SLIT3: variants seen among roughly 807,000 people sequenced by gnomAD.
The protein encoded by SLIT3 is slit guidance ligand 3, also known as slit homolog 3 protein.
SLIT3 carries 68 observed loss-of-function variants against 184.0 expected under a neutral mutation model. The ratio of observed to expected loss-of-function variants is 0.37; its 90% CI spans 0.30 to 0.45. SLIT3 has a LOEUF of 0.45. Among genes scored for constraint, SLIT3 ranks in the 20% least tolerant of loss-of-function variants. SLIT3 has a pLI of 1.00. For synonymous variants in SLIT3, 831 were observed against 828.6 expected (o/e 1.00, Z -0.05); for missense variants, 1,707 against 2,026.0 (o/e 0.84, Z 3.02).
intron 13 of SLIT3, among the ~76,000 whole-genome samples, chr5:168,773,264 T>C (rs925385967): frequency 6.6e-6 from 1 of 152,142 alleles, no homozygotes; most frequent in Non-Finnish European, 1.5e-5. Flanking sequence ...ACAAACCCAG[T>C]CATGGTTTGC....
chr5:168,746,450 CAGTGTGT>C (rs1763820991), intron 20 of SLIT3, among the ~76,000 whole-genome samples: 1 of 41,546 alleles, frequency 2.4e-5, no homozygotes, highest in Non-Finnish European at 4.4e-5. Context: ...GTGGGTGTGG[CAGTGTGT>C]GGTGGTGTGC....
At chr5:168,786,636 C>A (rs956489995) in intron 11 of SLIT3, among the ~76,000 whole-genome samples, 1 of 152,256 alleles carries the variant, frequency 6.6e-6, no homozygotes, top group Middle Eastern at 3.4e-3. Flanking sequence ...CTTTCTCTTA[C>A]GGGCCTCCAG....
At chr5:168,768,369 G>T in intron 14 of SLIT3, 1 of 454,722 alleles carries the variant, frequency 2.2e-6, no homozygotes. Flanking sequence ...TATCAGGAGT[G>T]GGGTTCCACT....
chr5:168,901,353 G>A (rs530154913), intron 4 of SLIT3, among the ~76,000 whole-genome samples: 1 of 113,966 alleles, frequency 8.8e-6, no homozygotes, highest in South Asian at 3.5e-4. Flanking sequence ...GACAGAGTGA[G>A]ACTCCGTCTC....
chr5:168,731,141 A>G (rs1639373700), intron 20 of SLIT3, among the ~76,000 whole-genome samples: 2 of 152,092 alleles, frequency 1.3e-5, no homozygotes, highest in Admixed American at 1.3e-4. Context: ...AGATCATCAG[A>G]CTATTATGAA....
chr5:168,982,813 G>T (rs1754996104), intron 4 of SLIT3, among the ~76,000 whole-genome samples: 1 of 152,054 alleles, frequency 6.6e-6, no homozygotes, highest in African/African-American at 2.4e-5. Context: ...GGATCATCAG[G>T]GCCTTGTAAG....
chr5:168,849,967 T>A (rs371230388), intron 5 of SLIT3, among the ~76,000 whole-genome samples: 1 of 151,996 alleles, frequency 6.6e-6, no homozygotes, highest in East Asian at 1.9e-4. Context: ...TAGAAGCGCT[T>A]TTGAAGGTTG....
chr5:169,010,508 T>A (rs1434313493), intron 4 of SLIT3, among the ~76,000 whole-genome samples: 1 of 152,044 alleles, frequency 6.6e-6, no homozygotes, highest in Non-Finnish European at 1.5e-5. Flanking sequence ...CCTAGATAGA[T>A]CATGAAACAG....
At chr5:169,100,416 C>T (rs899817298) in intron 4 of SLIT3, among the ~76,000 whole-genome samples, 2 of 152,010 alleles carry the variant, frequency 1.3e-5, no homozygotes, top group African/African-American at 4.8e-5. Flanking sequence ...AAAATGATAC[C>T]CACTTCCCAG....
chr5:168,712,375 C>T lies in SLIT3; in HGVS notation c.2484-21G>A, dbSNP rs577539228. ...GGGTTCTGAAGCAGAGGGCACAGGT[C>T]GGAAGGTTAGCATCCACTAATTTGA... On this transcript the variant is annotated intron_variant, in intron 23 of 35. Coordinates refer to ENST00000519560, the MANE Select transcript of SLIT3 (RefSeq NM_003062.4). 49 of 1,611,988 alleles carry T rather than the reference C, an allele frequency of 3.0e-5. No homozygotes were observed. In the African/African-American group the frequency reaches 3.3e-4, roughly 11 times the overall value.
At chr5:168,816,550 T>C (rs1160306641) in intron 8 of SLIT3, among the ~76,000 whole-genome samples, 2 of 152,106 alleles carry the variant, frequency 1.3e-5, no homozygotes, top group Non-Finnish European at 2.9e-5. Flanking sequence ...CCACCTCCCA[T>C]CCCCAGAGAT....
At chr5:168,854,164 C>T (rs1487768647) in intron 5 of SLIT3, among the ~76,000 whole-genome samples, 2 of 152,142 alleles carry the variant, frequency 1.3e-5, no homozygotes, top group Non-Finnish European at 2.9e-5. Context: ...CAGGCTATTC[C>T]ACCTTTCTCT....
chr5:169,168,007 T>C (rs1762696103), intron 4 of SLIT3, among the ~76,000 whole-genome samples: 1 of 152,226 alleles, frequency 6.6e-6, no homozygotes, highest in Non-Finnish European at 1.5e-5. Context: ...GCCTGTCCAC[T>C]CTGGGGATCT....
intron 4 of SLIT3, among the ~76,000 whole-genome samples, chr5:169,054,752 A>G (rs904743716): frequency 6.6e-6 from 1 of 152,024 alleles, no homozygotes; most frequent in Non-Finnish European, 1.5e-5. Flanking sequence ...GGCTCTGAAT[A>G]TTTGCTTTTC....
chr5:169,264,466 C>T (rs1766322516), intron 1 of SLIT3, among the ~76,000 whole-genome samples: 2 of 152,200 alleles, frequency 1.3e-5, no homozygotes, highest in Admixed American at 6.5e-5. Flanking sequence ...GCGTGAGCCA[C>T]CGTGCCTGGC....
chr5:168,769,893 C>T (rs1019079384), intron 14 of SLIT3, among the ~76,000 whole-genome samples: 1 of 152,134 alleles, frequency 6.6e-6, no homozygotes, highest in Admixed American at 6.5e-5. Flanking sequence ...GCTGTGTGGA[C>T]CTCAATTTAT....
At position 168,762,666 on chromosome 5, in the gene SLIT3, A is replaced by T; in HGVS notation, c.1483T>A (p.Phe495Ile). 2 of 1,613,820 alleles carry T rather than the reference A, an allele frequency of 1.2e-6. No homozygotes were observed. The highest frequency in any genetic ancestry group is 1.7e-6 in the Non-Finnish European group (2 of 1,179,886). The change falls in exon 15 of 36, where the codon TTC becomes ATC. Residue 495 changes from phenylalanine to isoleucine, a missense_variant. Phe to Ile is a conservative substitution (Grantham distance 21). Coordinates refer to ENST00000519560, the MANE Select transcript of SLIT3 (RefSeq NM_003062.4). The part of the protein sequence containing the change: ...CSGSEDYRSR[F>I]SSECFMDLVC... ...AGGTCCATGAAGCACTCGCTGCTGA[A>T]CCTGCTGCGGTAATCCTCGGAGCCT...
chr5:168,772,973 G>C (rs767419677), intron 13 of SLIT3, 29 bp from the exon 14 acceptor site: 2 of 1,564,310 alleles, frequency 1.3e-6, no homozygotes, highest in Admixed American at 1.8e-5. Context: ...CGTTAATCAG[G>C]AGTGACCCAC....
At chr5:169,145,761 A>T (rs1561695763) in intron 4 of SLIT3, among the ~76,000 whole-genome samples, 1 of 152,164 alleles carries the variant, frequency 6.6e-6, no homozygotes, top group Non-Finnish European at 1.5e-5. Flanking sequence ...CAGCTAACAC[A>T]CACTGGCCAG....
Sources: allele counts gnomAD v4.1 joint callset (sites outside exome capture counted in the v4.1 genomes callset), GRCh38; gene constraint gnomAD v4.1.1; transcripts MANE v1.5; gene names NCBI Gene and HGNC (gene_info 2026-07-23, HGNC 2026-07-21).